SPTBN1: variants seen among roughly 807,000 people sequenced by gnomAD.
SPTBN1 encodes spectrin beta chain, non-erythrocytic 1.
Under a neutral mutation model 266.4 loss-of-function variants are expected in SPTBN1, and 32 were observed. The ratio of observed to expected loss-of-function variants is 0.12; its 90% CI spans 0.09 to 0.16. The LOEUF is 0.16. Ranked by LOEUF, SPTBN1 falls within the 10% of genes least tolerant of loss-of-function variation. The probability of loss-of-function intolerance (pLI) is 1.00; values close to 1 mark genes in which losing one functional copy is unlikely to be tolerated. For missense variants in SPTBN1, 2,296 were observed against 3,067.1 expected, an observed-to-expected ratio of 0.75 and a Z score of 5.94; for synonymous variants, 1,336 against 1,162.2, an observed-to-expected ratio of 1.15 and a Z score of -3.04.
intron 2 of SPTBN1, among the ~76,000 whole-genome samples, chr2:54,548,247 A>G (rs1672363407): frequency 6.6e-6 from 1 of 152,230 alleles, no homozygotes; most frequent in Non-Finnish European, 1.5e-5. Flanking sequence ...TAAGAATAAT[A>G]AAGGAAAGAT....
At chr2:54,594,781 A>G (rs577111339) in intron 2 of SPTBN1, among the ~76,000 whole-genome samples, 13 of 150,826 alleles carry the variant, frequency 8.6e-5, no homozygotes, top group Admixed American at 4.6e-4. Flanking sequence ...CATAACTTCT[A>G]AATCTTGTTC....
At chr2:54,623,783 T>C (rs536701742) in intron 10 of SPTBN1, among the ~76,000 whole-genome samples, 187 bp downstream of exon 10, 3 of 152,354 alleles carry the variant, frequency 2.0e-5, no homozygotes, top group Non-Finnish European at 4.4e-5. Flanking sequence ...GTTAGGCTGC[T>C]GGAGGCTTCA....
chr2:54,456,702 G>T (rs970746189), intron 1 of SPTBN1, among the ~76,000 whole-genome samples, 184 bp downstream of exon 1: 51 of 150,910 alleles, frequency 3.4e-4, no homozygotes, highest in African/African-American at 1.2e-3. Context: ...GGGCGGGGGC[G>T]GCGCGGGGAG....
chr2:54,570,527 A>G lies in SPTBN1; in HGVS notation c.149-28565A>G, dbSNP rs1673985266. 2.6e-5 allele frequency among the ~76,000 whole-genome samples: 4 copies of G among 152,146 alleles called. No individual in the cohort carries two copies. In the South Asian group the frequency reaches 8.3e-4, roughly 31 times the overall value. On this transcript the variant is annotated intron_variant, in intron 2 of 35. Coordinates refer to ENST00000356805, the MANE Select transcript of SPTBN1 (RefSeq NM_003128.3). The stretch of plus-strand genomic sequence containing the variant: ...AGGAAATTACATAGGTGGTATCTTT[A>G]TTTGGCTGAATCCCCCTCCCTCCAC...
chr2:54,615,381 C>T (rs1251031680), intron 4 of SPTBN1, among the ~76,000 whole-genome samples: 1 of 152,154 alleles, frequency 6.6e-6, no homozygotes, highest in East Asian at 1.9e-4. Flanking sequence ...CTCCTGACTC[C>T]ATTCCACATT....
At position 54,592,478 on chromosome 2, in the gene SPTBN1, G is replaced by A. The variant is rs553728290; in HGVS notation, c.149-6614G>A. On this transcript the variant is annotated intron_variant, in intron 2 of 35. Transcript: ENST00000356805. ...TGGCTCACCGCAACCTCTGCCTCCC[G>A]GGTTCAAACGATTCTCCTGCCTCAG... Among the ~76,000 whole-genome samples, 5 of 151,870 alleles carry A rather than the reference G, an allele frequency of 3.3e-5. No homozygotes were observed. In the East Asian group the frequency reaches 7.7e-4, roughly 24 times the overall value.
intron 2 of SPTBN1, among the ~76,000 whole-genome samples, chr2:54,561,889 A>AG: frequency 6.7e-6 from 1 of 149,506 alleles, no homozygotes; most frequent in Non-Finnish European, 1.5e-5. Flanking sequence ...TAAAAAAAAA[A>AG]CCTCATTGAG....
At chr2:54,616,489 C>G (rs1677622198) in intron 5 of SPTBN1, among the ~76,000 whole-genome samples, 191 bp downstream of exon 5, 2 of 152,172 alleles carry the variant, frequency 1.3e-5, no homozygotes, top group Admixed American at 1.3e-4. Flanking sequence ...ATATTTTAGA[C>G]CTGTCATGTC....
In SPTBN1 at chr2:54,669,050, G is replaced by A. The variant is rs759647777; in HGVS notation, c.*481G>A. On this transcript the variant is annotated 3_prime_UTR_variant, in exon 36 of 36. Coordinates refer to ENST00000356805, the MANE Select transcript of SPTBN1 (RefSeq NM_003128.3). ...GGGGCTAACCTTTATTAAACAGATC[G>A]CATATTATGATCTTGCTGCAGCCAC... The A allele has an allele frequency of 3.5e-5, 6 of 169,470 alleles. No homozygotes were observed. Among genetic ancestry groups the A allele is most frequent in the East Asian group, 3.4e-4 (2 of 5,856 alleles). 10.5% of individuals were successfully genotyped at this position (169,470 alleles called of 1,614,324 possible). A position where few individuals can be genotyped will look rare whatever the true frequency, so the allele number is the denominator to read the frequency against.
intron 1 of SPTBN1, among the ~76,000 whole-genome samples, chr2:54,518,184 A>G (rs552897083): frequency 6.6e-6 from 1 of 152,150 alleles, no homozygotes; most frequent in South Asian, 2.1e-4. Context: ...CTGAGTAATA[A>G]TAGGTCAGAC....
At position 54,628,345 on chromosome 2, in the gene SPTBN1, A is replaced by G; in HGVS notation, c.1798+95A>G. ...GCTTTTGAAGTTACTGTGCCACTATACATTCCTGGTGGGTTTGTCATGGGA... is the reference window on the plus strand; with the variant it reads ...GCTTTTGAAGTTACTGTGCCACTATGCATTCCTGGTGGGTTTGTCATGGGA... On this transcript the variant is annotated intron_variant, in intron 13 of 35. Coordinates refer to ENST00000356805, the MANE Select transcript of SPTBN1 (RefSeq NM_003128.3). This position sits in a 1 kb window ranked among gnomAD's most constrained non-coding sequence, Gnocchi z 4.3. 7.0e-7 allele frequency: 1 copy of G among 1,425,400 alleles called. No individual in the cohort carries two copies. The highest frequency in any genetic ancestry group is 9.3e-7 in the Non-Finnish European group (1 of 1,080,838). 88.3% of individuals were successfully genotyped at this position (1,425,400 alleles called of 1,614,324 possible). A position where few individuals can be genotyped will look rare whatever the true frequency, so the allele number is the denominator to read the frequency against.
intron 1 of SPTBN1, among the ~76,000 whole-genome samples, chr2:54,503,321 A>AC (rs141104187): frequency 0.02 from 3,026 of 152,232 alleles, 107 homozygotes; most frequent in African/African-American, 0.067. Flanking sequence ...TTCATGGAGG[A>AC]CTAGGCGTAG....
chr2:54,642,861 T>G, intron 18 of SPTBN1, 122 bp from the exon 19 acceptor site: 1 of 1,247,758 alleles, frequency 8.0e-7, no homozygotes, highest in East Asian at 2.4e-5. Context: ...AAATATTTGG[T>G]TGTCTGTCAC....
At chr2:54,468,600 A>G (rs959804197) in intron 1 of SPTBN1, among the ~76,000 whole-genome samples, 14 of 152,354 alleles carry the variant, frequency 9.2e-5, no homozygotes, top group South Asian at 4.1e-4. Context: ...CATGAACACT[A>G]TCTGTTGCCC....
At chr2:54,630,732 A>T in intron 15 of SPTBN1, 123 bp from the exon 16 acceptor site, 2 of 1,222,862 alleles carry the variant, frequency 1.6e-6, no homozygotes, top group South Asian at 4.1e-5. Context: ...CCAAAAAAGC[A>T]TGTAGTCAAA....
At chr2:54,634,730 A>G (rs577620646) in intron 17 of SPTBN1, among the ~76,000 whole-genome samples, 3 of 152,208 alleles carry the variant, frequency 2.0e-5, no homozygotes, top group African/African-American at 4.8e-5. Flanking sequence ...TGGTGAAGCG[A>G]TTCTCCTAGA....
At chr2:54,634,236 A>G (rs955936948) in intron 17 of SPTBN1, among the ~76,000 whole-genome samples, 1 of 151,970 alleles carries the variant, frequency 6.6e-6, no homozygotes, top group Non-Finnish European at 1.5e-5. Context: ...GTTTCTTTTT[A>G]TGTCCCCAGT....
intron 1 of SPTBN1, among the ~76,000 whole-genome samples, chr2:54,515,118 C>T (rs1381572536): frequency 6.6e-6 from 1 of 152,148 alleles, no homozygotes; most frequent in Non-Finnish European, 1.5e-5. Flanking sequence ...TGGCACCACC[C>T]AGATGGATAA....
At position 54,533,902 on chromosome 2, in the gene SPTBN1, A is replaced by T. The variant is rs112399947; in HGVS notation, c.148+7336A>T. Among the ~76,000 whole-genome samples, 1,349 of 14,494 alleles carry T rather than the reference A, an allele frequency of 0.093. 14 individuals carry two copies. Among genetic ancestry groups the T allele is most frequent in the African/African-American group, 0.23 (883 of 3,796 alleles). 9.5% of individuals were successfully genotyped at this position (14,494 alleles called of 152,430 possible). A position where few individuals can be genotyped will look rare whatever the true frequency, so the allele number is the denominator to read the frequency against. On this transcript the variant is annotated intron_variant, in intron 2 of 35. Transcript: ENST00000356805. The surrounding 1 kb of genome is among the most constrained non-coding windows in gnomAD (Gnocchi z 4.2). ...TGATCTCTCTCTCTGTCTCTCTCTC[A>T]CACACACACACACACACACACACAC...
Sources: gnomAD v4.1 joint callset for allele counts (sites outside exome capture counted in the v4.1 genomes callset) on GRCh38, gnomAD v4.1.1 for gene constraint, Gnocchi (gnomAD v3.1) non-coding constraint, MANE v1.5 for transcripts, NCBI Gene and HGNC (gene_info 2026-07-23, HGNC 2026-07-21) for gene names.